Variants in MALRD1 observed in about 807,000 individuals in gnomAD.
MALRD1 encodes the protein MAM and LDL-receptor class A domain-containing protein 1.
Under a neutral mutation model 242.1 loss-of-function variants are expected in MALRD1, and 247 were observed. The ratio of observed to expected loss-of-function variants is 1.02; its 90% CI spans 0.92 to 1.13. MALRD1 has a LOEUF of 1.13. Ranked by LOEUF, MALRD1 falls within the 50% of genes most tolerant of loss-of-function variation. MALRD1 has a pLI of 0.00. For missense variants in MALRD1, 2,989 were observed against 2,533.1 expected (o/e 1.18, Z -3.86); for synonymous variants, 995 against 866.6 (o/e 1.15, Z -2.60).
intron 31 of MALRD1, among the ~76,000 whole-genome samples, chr10:19,518,193 A>G (rs2131308458): frequency 6.6e-6 from 1 of 152,330 alleles, no homozygotes; most frequent in African/African-American, 2.4e-5. Context: ...AAGTTTTATT[A>G]TAGTTTGTGT....
chr10:19,325,497 T>C (rs1843088321), intron 22 of MALRD1, among the ~76,000 whole-genome samples: 1 of 152,160 alleles, frequency 6.6e-6, no homozygotes, highest in East Asian at 1.9e-4. Flanking sequence ...AAGTCCTGTC[T>C]TCCCATACTG....
intron 19 of MALRD1, among the ~76,000 whole-genome samples, chr10:19,262,966 A>G (rs1416448414): frequency 1.3e-5 from 2 of 152,048 alleles, no homozygotes; most frequent in Non-Finnish European, 2.9e-5. Flanking sequence ...GGATTTCTTG[A>G]TTTTTTTAAA....
intron 28 of MALRD1, among the ~76,000 whole-genome samples, chr10:19,432,880 A>G (rs1237107011): frequency 1.3e-5 from 2 of 152,228 alleles, no homozygotes; most frequent in Non-Finnish European, 2.9e-5. Flanking sequence ...AACATTTCAA[A>G]GAGGAAACTG....
intron 21 of MALRD1, among the ~76,000 whole-genome samples, chr10:19,316,236 T>C (rs1042085925): frequency 6.6e-5 from 10 of 151,810 alleles, no homozygotes; most frequent in Non-Finnish European, 4.4e-5. Context: ...CCATACAGTT[T>C]AGTTAAAGAC....
At chr10:19,108,853 G>A (rs1836571368) in intron 5 of MALRD1, among the ~76,000 whole-genome samples, 1 of 152,012 alleles carries the variant, frequency 6.6e-6, no homozygotes, top group South Asian at 2.1e-4. Context: ...GAGAGTTATT[G>A]TGTTTCTTTG....
chr10:19,192,183 G>A (rs1160610696), intron 14 of MALRD1, among the ~76,000 whole-genome samples: 1 of 152,156 alleles, frequency 6.6e-6, no homozygotes, highest in Non-Finnish European at 1.5e-5. Context: ...CCTGAGGGAA[G>A]AAAGGAGTGG....
rs987382368 is a variant in MALRD1 at position 19,136,746 on chromosome 10, G to A, written c.1376G>A (p.Cys459Tyr). 9 of 1,231,578 alleles carry A rather than the reference G, an allele frequency of 7.3e-6. No individual in the cohort carries two copies. The highest frequency in any genetic ancestry group is 4.2e-5 in the Admixed American group (1 of 23,692). 76.3% of individuals were successfully genotyped at this position (1,231,578 alleles called of 1,614,324 possible). A position where few individuals can be genotyped will look rare whatever the true frequency, so the allele number is the denominator to read the frequency against. Reference sequence around the variant, plus strand: ...TCTGTCTGTGACTCTCGGCAGGACTGCTCCGATGAGAGTGATGAAGACCCA... The same window carrying A: ...TCTGTCTGTGACTCTCGGCAGGACTACTCCGATGAGAGTGATGAAGACCCA... ...KESVCDSRQD[C>Y]SDESDEDPAT... The change falls in exon 10 of 40, where the codon TGC (cysteine) becomes TAC (tyrosine). Residue 459 changes from cysteine (C) to tyrosine (Y), a missense_variant. Coordinates refer to ENST00000454679, the MANE Select transcript of MALRD1 (RefSeq NM_001142308.3).
intron 26 of MALRD1, among the ~76,000 whole-genome samples, chr10:19,359,878 C>G (rs1228684958): frequency 6.6e-6 from 1 of 151,956 alleles, no homozygotes; most frequent in Non-Finnish European, 1.5e-5. Flanking sequence ...CCCAACAAAC[C>G]AGCTCATCAC....
chr10:19,331,726 C>G lies in MALRD1; in HGVS notation c.3901+144C>G, dbSNP rs143545652. On this transcript the variant is annotated intron_variant, in intron 24 of 39. Coordinates refer to ENST00000454679, the MANE Select transcript of MALRD1 (RefSeq NM_001142308.3). ...GGTGATTTAACTTGACACATTCCCTCCTTTCTCTGAATAATTCATTTATAA... is the reference window on the plus strand; with the variant it reads ...GGTGATTTAACTTGACACATTCCCTGCTTTCTCTGAATAATTCATTTATAA... The G allele has an allele frequency of 1.1e-3, 704 of 647,808 alleles. 4 individuals are homozygous for G. The African/African-American group carries it at 0.012, about 11-fold the overall frequency. The allele number at this position is 647,808 out of a possible 1,614,324, so 40.1% of individuals were successfully genotyped here.
At position 19,228,545 on chromosome 10, in the gene MALRD1, A is replaced by T. The variant is rs553028090; in HGVS notation, c.2991+18865A>T. On this transcript the variant is annotated intron_variant, in intron 18 of 39. Coordinates refer to ENST00000454679, the MANE Select transcript of MALRD1 (RefSeq NM_001142308.3). ...GGGTGAATTTTACTGTGTGTACATT[A>T]TACTTAAATGGAGCTGTAAATATGT... 6.5e-4 allele frequency among the ~76,000 whole-genome samples: 99 copies of T among 152,346 alleles called. 1 individual carries two copies. In the South Asian group the frequency reaches 0.014, roughly 21 times the overall value.
intron 5 of MALRD1, among the ~76,000 whole-genome samples, chr10:19,113,056 C>A (rs920630017): frequency 6.6e-6 from 1 of 152,058 alleles, no homozygotes; most frequent in Non-Finnish European, 1.5e-5. Context: ...ATTTATCCAA[C>A]CCTGACTTTG....
intron 36 of MALRD1, among the ~76,000 whole-genome samples, chr10:19,691,210 C>T (rs1420337888): frequency 3.9e-5 from 6 of 151,992 alleles, no homozygotes; most frequent in Admixed American, 6.6e-5. Context: ...ATTGCAGAAA[C>T]GTTAAAACAA....
chr10:19,418,963 A>G (rs1461313468), intron 28 of MALRD1, among the ~76,000 whole-genome samples: 2 of 152,152 alleles, frequency 1.3e-5, no homozygotes, highest in Non-Finnish European at 1.5e-5. Context: ...CTATCCTGCC[A>G]CAAAAATAGT....
chr10:19,293,437 A>C (rs768871427), intron 21 of MALRD1, among the ~76,000 whole-genome samples: 8 of 152,258 alleles, frequency 5.3e-5, no homozygotes, highest in Non-Finnish European at 7.3e-5. Context: ...TCCTTATTTT[A>C]GATTGTCCTT....
chr10:19,460,283 T>A (rs1835876870), intron 29 of MALRD1, among the ~76,000 whole-genome samples: 1 of 152,136 alleles, frequency 6.6e-6, no homozygotes, highest in African/African-American at 2.4e-5. Context: ...TGAGTAGATG[T>A]GGAACACATG....
intron 6 of MALRD1, 60 bp downstream of exon 6, chr10:19,123,653 C>G: frequency 1.0e-6 from 1 of 1,001,064 alleles, no homozygotes; most frequent in Non-Finnish European, 1.3e-6. Flanking sequence ...GAGACTCAGA[C>G]CACTCACAGG....
At chr10:19,228,592 T>C (rs372714926) in intron 18 of MALRD1, among the ~76,000 whole-genome samples, 17 of 152,312 alleles carry the variant, frequency 1.1e-4, no homozygotes, top group East Asian at 9.6e-4. Flanking sequence ...CTGTGAACAT[T>C]AGTTGCAGAG....
intron 1 of MALRD1, among the ~76,000 whole-genome samples, chr10:19,051,297 A>AT (rs1306159158): frequency 9.9e-5 from 15 of 152,076 alleles, no homozygotes; most frequent in African/African-American, 3.6e-4. Context: ...ACATTAAAAA[A>AT]AAAAGTCCCC....
chr10:19,387,508 TTTC>T lies in MALRD1; in HGVS notation c.4442-17_4442-15del. The T allele has an allele frequency of 6.5e-7, 1 of 1,546,430 alleles. No individual in the cohort carries two copies. The highest frequency in any genetic ancestry group is 1.2e-5 in the South Asian group (1 of 83,496). ...GTTAGGAGTGTTCGCTCATTCTTGTTTTCTTTTGTTTTGTTTTAGGTTTCTGCC... is the reference window on the plus strand; with the variant it reads ...GTTAGGAGTGTTCGCTCATTCTTGTTTTTTGTTTTGTTTTAGGTTTCTGCC... On this transcript the variant is annotated splice_polypyrimidine_tract_variant and intron_variant, in intron 26 of 39. Transcript: ENST00000454679.
Sources: allele counts gnomAD v4.1 joint callset (sites outside exome capture counted in the v4.1 genomes callset), GRCh38; gene constraint gnomAD v4.1.1; transcripts MANE v1.5; gene names NCBI Gene and HGNC (gene_info 2026-07-23, HGNC 2026-07-21).